Variants in KHDRBS2 observed in about 807,000 individuals in gnomAD.
The protein encoded by KHDRBS2 is KH RNA binding domain containing, signal transduction associated 2.
In KHDRBS2, 26 loss-of-function variants were observed where a neutral mutation model predicts 44.3. That is an observed-to-expected ratio of 0.59 (90% confidence interval 0.43 to 0.81). The LOEUF (loss-of-function observed/expected upper bound fraction) is 0.81, where lower values mean the gene tolerates loss of function less well. Ranked by LOEUF, KHDRBS2 falls within the 40% of genes least tolerant of loss-of-function variation. The pLI is 0.00. For missense variants in KHDRBS2, 476 were observed against 433.1 expected (o/e 1.10, Z -0.88); for synonymous variants, 194 against 151.1 (o/e 1.28, Z -2.08).
chr6:61,580,325 A>T, the KHDRBS2 span, among the ~76,000 whole-genome samples: 1 of 152,170 alleles, frequency 6.6e-6, no homozygotes, highest in Non-Finnish European at 1.5e-5. Context: ...GTGTCTAGCT[A>T]AAGGATTGTA....
Position 61,941,952 on chromosome 6 carries a change from A to AATTATTATTATTATTGT in KHDRBS2, c.483+36097_483+36113dup, listed in dbSNP as rs1189233234. Among the ~76,000 whole-genome samples the AATTATTATTATTATTGT allele has an allele frequency of 2.6e-5, 4 of 151,982 alleles. No individual in the cohort carries two copies. In the South Asian group the frequency reaches 8.3e-4, roughly 32 times the overall value. ...CAAAACATTCCAGAAAAAGAATCCA[A>AATTATTATTATTATTGT]ATTATTATTATTATTGTATTATTAT... is the stretch of plus-strand genomic sequence containing the variant. On this transcript the variant is annotated intron_variant, in intron 4 of 8. Coordinates refer to ENST00000281156, the MANE Select transcript of KHDRBS2 (RefSeq NM_152688.4).
chr6:61,604,261 T>G, the KHDRBS2 span, among the ~76,000 whole-genome samples: 1 of 150,202 alleles, frequency 6.7e-6, no homozygotes, highest in Non-Finnish European at 1.5e-5. Context: ...CAAAGGAAGC[T>G]GGAGTCATTC....
intron 4 of KHDRBS2, among the ~76,000 whole-genome samples, chr6:61,903,072 A>G (rs1804351863): frequency 6.6e-6 from 1 of 152,246 alleles, no homozygotes; most frequent in Non-Finnish European, 1.5e-5. Context: ...GTTTCTAACA[A>G]GCCATATATT....
chr6:62,191,371 G>T (rs993433301), intron 1 of KHDRBS2, among the ~76,000 whole-genome samples: 15 of 151,948 alleles, frequency 9.9e-5, no homozygotes, highest in Non-Finnish European at 1.9e-4. Context: ...TCCTTCCTCT[G>T]ACCAGTGGAG....
At chr6:61,561,494 G>C in the KHDRBS2 span, among the ~76,000 whole-genome samples, 1 of 152,148 alleles carries the variant, frequency 6.6e-6, no homozygotes, top group African/African-American at 2.4e-5. Flanking sequence ...AGGACCTATA[G>C]TAAGAAACCT....
At chr6:62,171,416 C>A (rs1337897938) in intron 2 of KHDRBS2, among the ~76,000 whole-genome samples, 1 of 151,916 alleles carries the variant, frequency 6.6e-6, no homozygotes, top group African/African-American at 2.4e-5. Context: ...TGAACAAAAC[C>A]TCTTATAATA....
At chr6:62,007,944 T>C (rs1218134558) in intron 3 of KHDRBS2, among the ~76,000 whole-genome samples, 1 of 152,088 alleles carries the variant, frequency 6.6e-6, no homozygotes, top group African/African-American at 2.4e-5. Context: ...ATAGAAAATA[T>C]CAAGTACAAA....
intron 4 of KHDRBS2, among the ~76,000 whole-genome samples, chr6:61,960,421 T>C (rs1290319988): frequency 6.6e-6 from 1 of 152,146 alleles, no homozygotes; most frequent in Non-Finnish European, 1.5e-5. Context: ...AGGAAAAAAT[T>C]GCATCTAATT....
chr6:61,975,453 T>C (rs1772387385), intron 4 of KHDRBS2, among the ~76,000 whole-genome samples: 2 of 152,170 alleles, frequency 1.3e-5, no homozygotes, highest in African/African-American at 4.8e-5. Context: ...AGTCATTTCA[T>C]AGAATAAAAA....
chr6:62,061,865 G>A (rs2127327612), intron 2 of KHDRBS2, among the ~76,000 whole-genome samples: 1 of 150,364 alleles, frequency 6.7e-6, no homozygotes, highest in East Asian at 2.0e-4. Flanking sequence ...TGGAGGCTTT[G>A]CTCATTTCTT....
chr6:61,779,839 C>T (rs1782662873), intron 6 of KHDRBS2, among the ~76,000 whole-genome samples: 1 of 151,814 alleles, frequency 6.6e-6, no homozygotes, highest in Non-Finnish European at 1.5e-5. Context: ...ATTCCAATAC[C>T]ACATAGATAG....
At chr6:61,811,711 CTCT>C (rs2127236696) in intron 6 of KHDRBS2, among the ~76,000 whole-genome samples, 1 of 152,200 alleles carries the variant, frequency 6.6e-6, no homozygotes, top group South Asian at 2.1e-4. Context: ...TCTTGTTCCT[CTCT>C]TCTTGATTTT....
At chr6:61,686,815 T>A (rs1277953412) in intron 8 of KHDRBS2, among the ~76,000 whole-genome samples, 1 of 144,058 alleles carries the variant, frequency 6.9e-6, no homozygotes, top group Non-Finnish European at 1.6e-5. Flanking sequence ...AAAACAAGAC[T>A]TAATTTATTT....
At chr6:61,669,059 C>A in the KHDRBS2 span, among the ~76,000 whole-genome samples, 743 of 150,940 alleles carry the variant, frequency 4.9e-3, 25 homozygotes, top group East Asian at 0.085. Context: ...AAATTCTATA[C>A]TTAGATACAC....
intron 4 of KHDRBS2, among the ~76,000 whole-genome samples, chr6:61,922,711 G>A (rs1218704051): frequency 6.6e-6 from 1 of 151,858 alleles, no homozygotes; most frequent in African/African-American, 2.4e-5. Flanking sequence ...TCTCTACGAG[G>A]GTGAATAATT....
chr6:61,735,234 C>G (rs1240349695), intron 6 of KHDRBS2, among the ~76,000 whole-genome samples: 1 of 152,126 alleles, frequency 6.6e-6, no homozygotes, highest in South Asian at 2.1e-4. Flanking sequence ...CAATTATTGA[C>G]ATTTTGTCTC....
chr6:62,227,155 G>A (rs534113396), intron 1 of KHDRBS2, among the ~76,000 whole-genome samples: 5 of 152,184 alleles, frequency 3.3e-5, no homozygotes, highest in Admixed American at 2.6e-4. Flanking sequence ...TATCCATAAG[G>A]ATGGAATGTT....
intron 2 of KHDRBS2, among the ~76,000 whole-genome samples, chr6:62,065,384 A>C (rs1793357219): frequency 6.6e-6 from 1 of 151,744 alleles, no homozygotes; most frequent in Non-Finnish European, 1.5e-5. Flanking sequence ...GAACCAACCC[A>C]AATGTCCAAC....
At chr6:61,869,853 C>T (rs1290910525) in intron 6 of KHDRBS2, among the ~76,000 whole-genome samples, 2 of 152,148 alleles carry the variant, frequency 1.3e-5, no homozygotes, top group African/African-American at 2.4e-5. Flanking sequence ...CCACGGTCTT[C>T]ACAACCTGCA....
Sources: allele counts gnomAD v4.1 joint callset (sites outside exome capture counted in the v4.1 genomes callset), GRCh38; gene constraint gnomAD v4.1.1; transcripts MANE v1.5; gene names NCBI Gene and HGNC (gene_info 2026-07-23, HGNC 2026-07-21).